The following ZIC4 variants were observed in gnomAD, a reference collection of about 807,000 sequenced individuals.
The protein encoded by ZIC4 is Zic family zinc finger 4.
A neutral mutation model predicts 28.8 loss-of-function variants in ZIC4; 15 were observed. That is an observed-to-expected ratio of 0.52 (90% CI 0.35 to 0.80). ZIC4 has a LOEUF of 0.80. Among genes scored for constraint, ZIC4 ranks in the 30% least tolerant of loss-of-function variants. The pLI is 0.01. For missense variants in ZIC4, 512 were observed against 467.1 expected, an observed-to-expected ratio of 1.10 and a Z score of -0.89; for synonymous variants, 220 against 198.1, an observed-to-expected ratio of 1.11 and a Z score of -0.93.
intron 1 of ZIC4, chr3:147,405,611 G>C: frequency 1.1e-6 from 1 of 871,914 alleles, no homozygotes; most frequent in Non-Finnish European, 1.8e-6. Context: ...GCTGCGGCCT[G>C]CTCCCCAGAG....
intron 3 of ZIC4, among the ~76,000 whole-genome samples, chr3:147,394,340 C>T (rs1234102150): frequency 2.8e-5 from 4 of 141,524 alleles, no homozygotes; most frequent in Non-Finnish European, 6.0e-5. Flanking sequence ...AACACGAAAA[C>T]CTGAGCCAGC....
chr3:147,399,663 AT>A (rs34229132), intron 2 of ZIC4, among the ~76,000 whole-genome samples: 5,583 of 127,966 alleles, frequency 0.044, 77 homozygotes, highest in Middle Eastern at 0.054. Context: ...AAAAACACGG[AT>A]TTTTTTTTTT....
chr3:147,393,166 T>A (rs969525472), intron 3 of ZIC4, among the ~76,000 whole-genome samples: 1 of 144,788 alleles, frequency 6.9e-6, no homozygotes, highest in Non-Finnish European at 1.5e-5. Context: ...CGCCAAACGC[T>A]TATCCGATCT....
intron 3 of ZIC4, among the ~76,000 whole-genome samples, chr3:147,395,218 A>G (rs996452344): frequency 2.0e-5 from 3 of 152,222 alleles, no homozygotes; most frequent in African/African-American, 7.2e-5. Flanking sequence ...TCTGTTAACT[A>G]GAAGTAGCAG....
chr3:147,390,961 A>T lies in ZIC4; in HGVS notation c.974T>A (p.Val325Glu). Reference protein sequence around the residue: ...HKSQVASSAAVAARTADLSE With the variant: ...HKSQVASSAAEAARTADLSE ...GCTCAAGTCGGCGGTACGCGCCGCCACCGCCGCCGAGGAGGCCACCTGGGA... is the reference window on the plus strand; with the variant it reads ...GCTCAAGTCGGCGGTACGCGCCGCCTCCGCCGCCGAGGAGGCCACCTGGGA... The change falls in exon 4 of 5, where the codon GTG becomes GAG. Residue 325 changes from valine to glutamate, a missense_variant. This residue lies in a region of ZIC4 where 144 missense variants were observed against 116.8 expected (regional missense o/e 1.23). Transcript: ENST00000383075. The T allele has an allele frequency of 6.2e-7, 1 of 1,611,564 alleles. No homozygotes were observed. Among genetic ancestry groups the T allele is most frequent in the Non-Finnish European group, 8.5e-7 (1 of 1,179,110 alleles).
intron 3 of ZIC4, 89 bp downstream of exon 3, chr3:147,395,763 C>T: frequency 6.6e-7 from 1 of 1,514,454 alleles, no homozygotes; most frequent in East Asian, 2.3e-5. Flanking sequence ...ATATTTCCCC[C>T]TCCCCTCAGT....
intron 3 of ZIC4, among the ~76,000 whole-genome samples, chr3:147,394,239 T>C (rs568644170): frequency 1.1e-4 from 17 of 151,862 alleles, no homozygotes; most frequent in Admixed American, 7.9e-4. Context: ...TGTTTGTTTG[T>C]TTGTTTGTTT....
intron 3 of ZIC4, chr3:147,391,450 C>A: frequency 1.8e-6 from 1 of 567,118 alleles, no homozygotes; most frequent in Non-Finnish European, 3.0e-6. Flanking sequence ...GCCTCCATCC[C>A]TCCCGCCTTC....
intron 3 of ZIC4, chr3:147,392,570 G>T: frequency 2.6e-6 from 1 of 386,298 alleles, no homozygotes; most frequent in Non-Finnish European, 3.5e-6. Context: ...AGCGCTCTGA[G>T]TTAAGGGACC....
chr3:147,399,752 G>C (rs2087126657), intron 2 of ZIC4, among the ~76,000 whole-genome samples: 1 of 147,080 alleles, frequency 6.8e-6, no homozygotes. Flanking sequence ...TGCAACCTCT[G>C]CCTCCCTGGT....
intron 3 of ZIC4, chr3:147,392,442 C>T (rs1044284489): frequency 6.5e-5 from 64 of 985,306 alleles, no homozygotes; most frequent in Non-Finnish European, 7.5e-5. Flanking sequence ...AATTCGCTGA[C>T]GTGTAGGAGA....
At chr3:147,395,707 G>T (rs562381713) in intron 3 of ZIC4, 145 bp downstream of exon 3, 18 of 1,283,852 alleles carry the variant, frequency 1.4e-5, no homozygotes, top group Middle Eastern at 2.8e-4. Flanking sequence ...GAATAGAAGC[G>T]CATAATTAAT....
chr3:147,388,978 GAA>G, intron 4 of ZIC4, 119 bp from the exon 5 acceptor site: 1 of 690,348 alleles, frequency 1.4e-6, no homozygotes, highest in South Asian at 1.6e-5. Flanking sequence ...AGAAGACAAA[GAA>G]AAAAGTCCTA....
rs145028006 is a variant in ZIC4 at position 147,402,612 on chromosome 3, A to C, written c.70+116T>G. ...TTTGAACTCAAGAAACTCCCCCCAA[A>C]CTCTCAACCCAACATAAACAAAAGA... is the stretch of plus-strand genomic sequence containing the variant. On this transcript the variant is annotated intron_variant, in intron 2 of 4. Coordinates refer to ENST00000383075, the MANE Select transcript of ZIC4 (RefSeq NM_032153.6). 1.7e-4 allele frequency: 152 copies of C among 905,470 alleles called. 1 individual carries two copies. In the African/African-American group the frequency reaches 2.3e-3, roughly 14 times the overall value. The allele number at this position is 905,470 out of a possible 1,614,324, so 56.1% of individuals were successfully genotyped here.
At chr3:147,403,071 T>G (rs907440686) in intron 1 of ZIC4, among the ~76,000 whole-genome samples, 1 of 152,136 alleles carries the variant, frequency 6.6e-6, no homozygotes, top group Non-Finnish European at 1.5e-5. Context: ...TTGAAACTCC[T>G]TTGTTGTTTT....
Position 147,405,361 on chromosome 3 carries a change from G to A in ZIC4, c.-16+1002C>T, listed in dbSNP as rs759761715. ...CGAGGACAATACTGTCGGAAAGCGG[G>A]GAAAACATGACCTTGGAATCCAAAG... On this transcript the variant is annotated intron_variant, in intron 1 of 4. Transcript: ENST00000383075. 5.1e-5 allele frequency: 78 copies of A among 1,533,002 alleles called. 2 individuals are homozygous for A. The South Asian group carries it at 9.2e-4, about 18-fold the overall frequency. 95.0% of individuals were successfully genotyped at this position (1,533,002 alleles called of 1,614,324 possible). A position where few individuals can be genotyped will look rare whatever the true frequency, so the allele number is the denominator to read the frequency against.
chr3:147,406,107 G>A (rs2087271369), intron 1 of ZIC4: 1 of 157,450 alleles, frequency 6.4e-6, no homozygotes, highest in African/African-American at 2.4e-5. Context: ...CCTCCTCCTG[G>A]GAAGAAGGGA....
In ZIC4 at chr3:147,396,725, T is replaced by C. The variant is rs1576460578; in HGVS notation, c.71-256A>G. 2 of 441,932 alleles carry C rather than the reference T, an allele frequency of 4.5e-6. No homozygotes were observed. Among genetic ancestry groups the C allele is most frequent in the East Asian group, 3.4e-5 (1 of 29,118 alleles). 27.4% of individuals were successfully genotyped at this position (441,932 alleles called of 1,614,324 possible). ...CTAGAGAGGGATGGTAGCGGCAGAGTAGATGTAAGGGGTAATGGAAGGCGC... is the reference window on the plus strand; with the variant it reads ...CTAGAGAGGGATGGTAGCGGCAGAGCAGATGTAAGGGGTAATGGAAGGCGC... On this transcript the variant is annotated intron_variant, in intron 2 of 4. Transcript: ENST00000383075. This position sits in a 1 kb window ranked among gnomAD's most constrained non-coding sequence, Gnocchi z 4.2.
At chr3:147,393,915 C>G in intron 3 of ZIC4, 1 of 456,736 alleles carries the variant, frequency 2.2e-6, no homozygotes, top group Non-Finnish European at 4.4e-6. Flanking sequence ...TGCGGACAGT[C>G]GCCTTCAAAG....
Sources: allele counts gnomAD v4.1 joint callset (sites outside exome capture counted in the v4.1 genomes callset), GRCh38; gene constraint gnomAD v4.1.1; regional missense constraint gnomAD v4.1.1; non-coding constraint Gnocchi (gnomAD v3.1); transcripts MANE v1.5; gene names NCBI Gene and HGNC (gene_info 2026-07-23, HGNC 2026-07-21).